Variants in WWP2 observed in about 807,000 individuals in gnomAD.
WWP2 encodes WW domain containing E3 ubiquitin protein ligase 2, also known as NEDD4-like E3 ubiquitin-protein ligase WWP2.
WWP2 carries 57 observed loss-of-function variants against 121.0 expected under a neutral mutation model. The observed-to-expected ratio is 0.47, with a 90% CI of 0.38 to 0.59. The LOEUF (loss-of-function observed/expected upper bound fraction) is 0.59, where lower values mean the gene tolerates loss of function less well. WWP2 is among the 20% of genes least tolerant of loss of function. The pLI is 0.00. For missense variants in WWP2, 962 were observed against 1,158.9 expected (o/e 0.83, Z 2.47); for synonymous variants, 449 against 441.3 (o/e 1.02, Z -0.22).
intron 6 of WWP2, among the ~76,000 whole-genome samples, chr16:69,867,775 C>T (rs528189960): frequency 6.6e-6 from 1 of 152,332 alleles, no homozygotes; most frequent in Non-Finnish European, 1.5e-5. Flanking sequence ...GGAGTTTGGC[C>T]TGACTGGCAC....
At chr16:69,846,484 G>T (rs1188297226) in intron 6 of WWP2, among the ~76,000 whole-genome samples, 1 of 152,144 alleles carries the variant, frequency 6.6e-6, no homozygotes, top group Non-Finnish European at 1.5e-5. Flanking sequence ...TTTTGGGGAG[G>T]TCGAGGCGGA....
intron 5 of WWP2, among the ~76,000 whole-genome samples, chr16:69,841,080 A>G (rs532558085): frequency 2.6e-4 from 39 of 152,352 alleles, no homozygotes; most frequent in African/African-American, 7.9e-4. Context: ...TTCAACACAT[A>G]TATATGTAAT....
chr16:69,907,939 T>C (rs34116436), intron 8 of WWP2, among the ~76,000 whole-genome samples: 12,929 of 152,178 alleles, frequency 0.085, 1,010 homozygotes, highest in East Asian at 0.38. Context: ...AGAGGGGTAG[T>C]CATAGAACCT....
At chr16:69,851,546 C>T (rs563792642) in intron 6 of WWP2, among the ~76,000 whole-genome samples, 2 of 152,108 alleles carry the variant, frequency 1.3e-5, no homozygotes, top group African/African-American at 4.8e-5. Context: ...TCATTGTCTG[C>T]ATGTACCACA....
At chr16:69,767,036 G>GTT (rs552760216) in intron 1 of WWP2, among the ~76,000 whole-genome samples, 8 of 137,880 alleles carry the variant, frequency 5.8e-5, no homozygotes, top group African/African-American at 7.9e-5. Flanking sequence ...TAGGGGTTTT[G>GTT]TTTTTTTTTT....
chr16:69,842,145 A>G (rs891710510), intron 6 of WWP2, 25 bp downstream of exon 6: 3 of 1,603,390 alleles, frequency 1.9e-6, no homozygotes, highest in Non-Finnish European at 1.7e-6. Flanking sequence ...GGTGAGGACA[A>G]AGAGCTAAGA....
intron 8 of WWP2, among the ~76,000 whole-genome samples, chr16:69,904,330 G>C (rs2058253385): frequency 6.6e-6 from 1 of 151,990 alleles, no homozygotes; most frequent in African/African-American, 2.4e-5. Flanking sequence ...TAAATCAGAA[G>C]GGCATTCAGA....
intron 7 of WWP2, 51 bp downstream of exon 7, chr16:69,871,982 C>T (rs1294775596): frequency 6.3e-7 from 1 of 1,580,432 alleles, no homozygotes; most frequent in Admixed American, 1.8e-5. Flanking sequence ...GGGCTCTCAC[C>T]CGTTCTAACG....
chr16:69,793,160 C>T (rs566414368), intron 2 of WWP2, among the ~76,000 whole-genome samples: 5 of 152,048 alleles, frequency 3.3e-5, no homozygotes, highest in Admixed American at 6.6e-5. Flanking sequence ...AGACCAGCCT[C>T]GCCAAGATGG....
chr16:69,915,884 A>T (rs6499273), intron 9 of WWP2, among the ~76,000 whole-genome samples: 113,938 of 150,942 alleles, frequency 0.75, 43,912 homozygotes, highest in East Asian at 0.96. Flanking sequence ...AAATTTTTTT[A>T]AAAAATTAGT....
At chr16:69,917,573 C>G in intron 9 of WWP2, 136 bp from the exon 10 acceptor site, 2 of 955,386 alleles carry the variant, frequency 2.1e-6, no homozygotes, top group South Asian at 3.7e-5. Context: ...CCACAGATGT[C>G]TGCTATAATC....
At chr16:69,846,363 T>C (rs1395183104) in intron 6 of WWP2, among the ~76,000 whole-genome samples, 1 of 152,024 alleles carries the variant, frequency 6.6e-6, no homozygotes, top group African/African-American at 2.4e-5. Context: ...ACGTAGAAAG[T>C]TGAAAAATGC....
Position 69,871,303 on chromosome 16 carries a change from A to G in WWP2, c.576-501A>G, listed in dbSNP as rs571568681. Reference sequence around the variant, plus strand: ...CTAAACAAACAAGTGAATGACAACAACAAAAAGTGTCAACATATGCATTGA... The same window carrying G: ...CTAAACAAACAAGTGAATGACAACAGCAAAAAGTGTCAACATATGCATTGA... On this transcript the variant is annotated intron_variant, in intron 6 of 23. Coordinates refer to ENST00000359154, the MANE Select transcript of WWP2 (RefSeq NM_001270454.2). Among the ~76,000 whole-genome samples, 4 of 152,314 alleles carry G rather than the reference A, an allele frequency of 2.6e-5. No individual in the cohort carries two copies. In the South Asian group the frequency reaches 8.3e-4, roughly 32 times the overall value.
At chr16:69,815,653 G>A (rs1435212406) in intron 4 of WWP2, among the ~76,000 whole-genome samples, 1 of 151,862 alleles carries the variant, frequency 6.6e-6, no homozygotes, top group Non-Finnish European at 1.5e-5. Flanking sequence ...CGGGTGTGGT[G>A]GCGGGTCCCT....
At chr16:69,880,272 AT>A (rs60340110) in intron 7 of WWP2, among the ~76,000 whole-genome samples, 16,782 of 149,276 alleles carry the variant, frequency 0.11, 1,204 homozygotes, top group African/African-American at 0.21. Flanking sequence ...TTTTACTGTG[AT>A]TTTTTTTTTA....
At chr16:69,938,938 G>C (rs1459898601) in intron 21 of WWP2, 89 bp from the exon 22 acceptor site, 3 of 1,255,512 alleles carry the variant, frequency 2.4e-6, no homozygotes, top group Non-Finnish European at 3.4e-6. Context: ...CCCCAAAGAG[G>C]GGCCCCGCTG....
At chr16:69,938,905 C>T in intron 21 of WWP2, 122 bp from the exon 22 acceptor site, 1 of 822,202 alleles carries the variant, frequency 1.2e-6, no homozygotes, top group East Asian at 2.7e-5. Context: ...CATCCCCTGG[C>T]CAACCTGGCT....
rs1567450720 is a variant in WWP2 at position 69,939,999 on chromosome 16, G to A, written c.*59G>A. 3 of 1,452,530 alleles carry A rather than the reference G, an allele frequency of 2.1e-6. No homozygotes were observed. The highest frequency in any genetic ancestry group is 2.8e-6 in the Non-Finnish European group (3 of 1,055,320). 90.0% of individuals were successfully genotyped at this position (1,452,530 alleles called of 1,614,324 possible). On this transcript the variant is annotated 3_prime_UTR_variant, in exon 24 of 24. Coordinates refer to ENST00000359154, the MANE Select transcript of WWP2 (RefSeq NM_001270454.2). ...ATGTAGTCCTGAGTCCTCCCTGCCT[G>A]AGAGGCCACTGGCCCCGCAGCCCTT...
rs756976576 is a variant in WWP2 at position 69,806,952 on chromosome 16, T to TCA, written c.340+7657_340+7658insCA. On this transcript the variant is annotated intron_variant, in intron 4 of 23. Transcript: ENST00000359154. ...AGATCTGTTTTATTTATTTATTTATTTATTCATTCATTCATTCATTCATTC... is the reference window on the plus strand; with the variant it reads ...AGATCTGTTTTATTTATTTATTTATTCATATTCATTCATTCATTCATTCATTC... Among the ~76,000 whole-genome samples, 1,442 of 149,508 alleles carry TCA rather than the reference T, an allele frequency of 9.6e-3. 11 individuals carry two copies. The highest frequency in any genetic ancestry group is 0.015 in the Non-Finnish European group (1,041 of 67,406).
Sources: allele counts gnomAD v4.1 joint callset (sites outside exome capture counted in the v4.1 genomes callset), GRCh38; gene constraint gnomAD v4.1.1; transcripts MANE v1.5; gene names NCBI Gene and HGNC (gene_info 2026-07-23, HGNC 2026-07-21).